SMAP1: variants seen among roughly 807,000 people sequenced by gnomAD.
SMAP1 encodes stromal membrane-associated protein 1.
SMAP1 carries 24 observed loss-of-function variants against 58.5 expected under a neutral mutation model. The ratio of observed to expected loss-of-function variants is 0.41; its 90% CI spans 0.30 to 0.58. SMAP1 has a LOEUF of 0.58. Ranked by LOEUF, SMAP1 falls within the 20% of genes least tolerant of loss-of-function variation. SMAP1 has a pLI of 0.29. For synonymous variants in SMAP1, 216 were observed against 196.6 expected, an observed-to-expected ratio of 1.10 and a Z score of -0.82; for missense variants, 563 against 566.3, an observed-to-expected ratio of 0.99 and a Z score of 0.06.
At chr6:70,785,086 A>G (rs1767948116) in intron 4 of SMAP1, among the ~76,000 whole-genome samples, 1 of 152,220 alleles carries the variant, frequency 6.6e-6, no homozygotes, top group Admixed American at 6.5e-5. Flanking sequence ...AAAAGAACAG[A>G]GATTATAACA....
chr6:70,807,459 C>CTAAA (rs1407145784), intron 6 of SMAP1, among the ~76,000 whole-genome samples: 2 of 152,178 alleles, frequency 1.3e-5, no homozygotes, highest in African/African-American at 4.8e-5. Context: ...AATACTCTGT[C>CTAAA]ATTCACTGGA....
At chr6:70,770,727 C>T (rs1409573788) in intron 3 of SMAP1, among the ~76,000 whole-genome samples, 1 of 152,196 alleles carries the variant, frequency 6.6e-6, no homozygotes, top group Non-Finnish European at 1.5e-5. Flanking sequence ...GTTTGATCGT[C>T]TGAAGCCTTT....
At chr6:70,768,415 C>T (rs1767102928) in intron 3 of SMAP1, among the ~76,000 whole-genome samples, 1 of 152,096 alleles carries the variant, frequency 6.6e-6, no homozygotes, top group African/African-American at 2.4e-5. Context: ...TTGATTATTG[C>T]CACAATTTCA....
At position 70,773,498 on chromosome 6, in the gene SMAP1, A is replaced by T. The variant is rs200706826; in HGVS notation, c.414+73A>T. The T allele has an allele frequency of 1.1e-5, 9 of 798,216 alleles. No individual in the cohort carries two copies. The East Asian group carries it at 2.0e-4, about 18-fold the overall frequency. The allele number at this position is 798,216 out of a possible 1,614,324, so 49.4% of individuals were successfully genotyped here. The stretch of plus-strand genomic sequence containing the variant: ...AAACTTTTAACATGCAATACAGCTT[A>T]ATTTATTTATTGTGAAAACATACTA... On this transcript the variant is annotated intron_variant, in intron 4 of 10. Coordinates refer to ENST00000370455, the MANE Select transcript of SMAP1 (RefSeq NM_001044305.3).
intron 2 of SMAP1, among the ~76,000 whole-genome samples, chr6:70,747,946 G>C (rs1164411133): frequency 6.6e-6 from 1 of 151,986 alleles, no homozygotes; most frequent in Non-Finnish European, 1.5e-5. Context: ...TGAATTGTGT[G>C]GTTTATTCTT....
intron 7 of SMAP1, among the ~76,000 whole-genome samples, chr6:70,840,893 C>T (rs1177419054): frequency 6.6e-6 from 1 of 152,128 alleles, no homozygotes; most frequent in Non-Finnish European, 1.5e-5. Context: ...GTATGCACGT[C>T]CTATGTTAAA....
intron 1 of SMAP1, among the ~76,000 whole-genome samples, chr6:70,722,449 T>G (rs1768571358): frequency 6.6e-6 from 1 of 152,258 alleles, no homozygotes; most frequent in Non-Finnish European, 1.5e-5. Context: ...TAGCATGTGC[T>G]AAGCACTGAA....
chr6:70,840,919 G>T (rs1770777257), intron 7 of SMAP1, among the ~76,000 whole-genome samples: 1 of 152,182 alleles, frequency 6.6e-6, no homozygotes, highest in African/African-American at 2.4e-5. Flanking sequence ...ATTAAAATCA[G>T]CTTCTAGGGT....
intron 3 of SMAP1, among the ~76,000 whole-genome samples, chr6:70,757,517 A>T (rs1766547166): frequency 6.6e-6 from 1 of 151,992 alleles, no homozygotes; most frequent in Non-Finnish European, 1.5e-5. Flanking sequence ...AAATTGACAA[A>T]TGGGATCTAA....
intron 1 of SMAP1, among the ~76,000 whole-genome samples, chr6:70,714,661 C>T (rs1333968): frequency 0.54 from 81,998 of 151,634 alleles, 22,407 homozygotes; most frequent in South Asian, 0.62. Flanking sequence ...TTATTTTGCC[C>T]GTATATTTAA....
intron 1 of SMAP1, among the ~76,000 whole-genome samples, chr6:70,722,408 C>T (rs1562114794): frequency 6.6e-6 from 1 of 152,222 alleles, no homozygotes; most frequent in Non-Finnish European, 1.5e-5. Context: ...TAGCTTTAAT[C>T]CTTTCTTTCT....
At chr6:70,728,788 C>T (rs750489175) in intron 1 of SMAP1, among the ~76,000 whole-genome samples, 4 of 152,110 alleles carry the variant, frequency 2.6e-5, no homozygotes, top group African/African-American at 7.2e-5. Context: ...TGAAATGGTG[C>T]GAGAGTGTAA....
Position 70,860,487 on chromosome 6 carries a change from A to AT in SMAP1, c.*155dup. On this transcript the variant is annotated 3_prime_UTR_variant, in exon 11 of 11. Coordinates refer to ENST00000370455, the MANE Select transcript of SMAP1 (RefSeq NM_001044305.3). The stretch of plus-strand genomic sequence containing the variant: ...TGATTGACCGTGTTGGTCTGTACTG[A>AT]TTCAATTTGATGTGGTGAAAAGCAG... The AT allele has an allele frequency of 5.3e-6, 4 of 749,854 alleles. No homozygotes were observed. The highest frequency in any genetic ancestry group is 7.6e-6 in the Non-Finnish European group (4 of 526,800). The allele number at this position is 749,854 out of a possible 1,614,324, so 46.5% of individuals were successfully genotyped here.
intron 1 of SMAP1, among the ~76,000 whole-genome samples, chr6:70,680,192 A>T (rs1294857163): frequency 6.6e-6 from 1 of 152,200 alleles, no homozygotes; most frequent in African/African-American, 2.4e-5. Flanking sequence ...CTAATTTGAG[A>T]TGGATCATAA....
intron 4 of SMAP1, among the ~76,000 whole-genome samples, chr6:70,784,647 G>A (rs1767921741): frequency 6.6e-6 from 1 of 152,156 alleles, no homozygotes; most frequent in African/African-American, 2.4e-5. Context: ...GGCAGGGGTT[G>A]CAATCCCAGT....
At chr6:70,745,128 G>T (rs1765974402) in intron 2 of SMAP1, among the ~76,000 whole-genome samples, 1 of 152,154 alleles carries the variant, frequency 6.6e-6, no homozygotes, top group South Asian at 2.1e-4. Context: ...TAGGTTGCCT[G>T]TTCACTCTGA....
intron 4 of SMAP1, among the ~76,000 whole-genome samples, chr6:70,786,321 C>T (rs1316773196): frequency 1.4e-5 from 2 of 145,580 alleles, no homozygotes; most frequent in South Asian, 2.3e-4. Flanking sequence ...TAACAGCTAT[C>T]TATGACAAAC....
At chr6:70,677,345 T>A (rs2128549977) in intron 1 of SMAP1, among the ~76,000 whole-genome samples, 1 of 151,318 alleles carries the variant, frequency 6.6e-6, no homozygotes, top group South Asian at 2.1e-4. Context: ...TGACCAGTTG[T>A]CCTTGTTCTC....
chr6:70,708,912 C>A (rs1423052133), intron 1 of SMAP1, among the ~76,000 whole-genome samples: 1 of 152,120 alleles, frequency 6.6e-6, no homozygotes, highest in Non-Finnish European at 1.5e-5. Context: ...AATCTGTAGG[C>A]TGCCTTTTCA....
Sources: gnomAD v4.1 joint callset for allele counts (sites outside exome capture counted in the v4.1 genomes callset) on GRCh38, gnomAD v4.1.1 for gene constraint, MANE v1.5 for transcripts, NCBI Gene and HGNC (gene_info 2026-07-23, HGNC 2026-07-21) for gene names.